RALGAPA1: variants seen among roughly 807,000 people sequenced by gnomAD.
The protein encoded by RALGAPA1 is Ral GTPase activating protein catalytic subunit alpha 1, also known as ral GTPase-activating protein subunit alpha-1.
In RALGAPA1, 52 loss-of-function variants were observed where a neutral mutation model predicts 269.6. The ratio of observed to expected loss-of-function variants is 0.19; its 90% CI spans 0.15 to 0.24. The LOEUF (loss-of-function observed/expected upper bound fraction) is 0.24. Ranked by LOEUF, RALGAPA1 falls within the 10% of genes least tolerant of loss-of-function variation. The probability of loss-of-function intolerance (pLI) is 1.00; values close to 1 mark genes in which losing one functional copy is unlikely to be tolerated. For missense variants in RALGAPA1, 1,917 were observed against 3,013.9 expected, an observed-to-expected ratio of 0.64 and a Z score of 8.52; for synonymous variants, 817 against 1,008.3, an observed-to-expected ratio of 0.81 and a Z score of 3.60.
intron 1 of RALGAPA1, among the ~76,000 whole-genome samples, chr14:35,784,178 T>C (rs749544634): frequency 6.6e-6 from 1 of 151,792 alleles, no homozygotes. Flanking sequence ...CAAATGTTTA[T>C]AATGTTATTA....
rs138563018 is a variant in RALGAPA1, at chr14:35,729,876, C to A, written c.1588-1366G>T. Among the ~76,000 whole-genome samples the A allele has an allele frequency of 3.2e-3, 480 of 152,174 alleles. 3 individuals carry two copies. The highest frequency in any genetic ancestry group is 0.011 in the African/African-American group (463 of 41,518). ...TTGGGAGAGAGATCATCATGGCTGA[C>A]GGGAAGCAGAACTAAATTGCAGCTC... On this transcript the variant is annotated intron_variant, in intron 12 of 41. Coordinates refer to ENST00000680220, the MANE Select transcript of RALGAPA1 (RefSeq NM_001346249.2).
chr14:35,550,925 T>C (rs925113053), intron 39 of RALGAPA1, among the ~76,000 whole-genome samples: 14 of 152,274 alleles, frequency 9.2e-5, no homozygotes, highest in Admixed American at 2.6e-4. Flanking sequence ...ACAAGTAATA[T>C]GGCACACTTT....
intron 29 of RALGAPA1, among the ~76,000 whole-genome samples, chr14:35,655,431 G>C (rs1374309209): frequency 6.6e-6 from 1 of 151,780 alleles, no homozygotes; most frequent in Non-Finnish European, 1.5e-5. Flanking sequence ...CAAAAAAACT[G>C]AACAGCTCAA....
At chr14:35,669,240 A>G (rs1186344892) in intron 26 of RALGAPA1, among the ~76,000 whole-genome samples, 1 of 152,152 alleles carries the variant, frequency 6.6e-6, no homozygotes, top group African/African-American at 2.4e-5. Flanking sequence ...AAATAATCCT[A>G]TACGGCAGGT....
intron 17 of RALGAPA1, among the ~76,000 whole-genome samples, chr14:35,695,922 C>A (rs2140528544): frequency 6.6e-6 from 1 of 152,154 alleles, no homozygotes; most frequent in East Asian, 1.9e-4. Flanking sequence ...GAGAGAGAAG[C>A]CAAGGAGTGT....
At chr14:35,779,806 T>A (rs2075309350) in intron 1 of RALGAPA1, among the ~76,000 whole-genome samples, 1 of 152,176 alleles carries the variant, frequency 6.6e-6, no homozygotes, top group African/African-American at 2.4e-5. Context: ...CTGGAAATTA[T>A]TTACTTTCTA....
chr14:35,596,908 A>T (rs1340482149), intron 36 of RALGAPA1, among the ~76,000 whole-genome samples: 3 of 152,196 alleles, frequency 2.0e-5, no homozygotes, highest in Non-Finnish European at 4.4e-5. Context: ...GTGCACATAC[A>T]CACAGTACAT....
At chr14:35,610,292 T>C (rs2059846867) in intron 35 of RALGAPA1, among the ~76,000 whole-genome samples, 1 of 151,504 alleles carries the variant, frequency 6.6e-6, no homozygotes, top group Non-Finnish European at 1.5e-5. Flanking sequence ...TTTTCTTTTT[T>C]TTTTTTTTGA....
At chr14:35,579,465 C>G (rs1488319832) in intron 37 of RALGAPA1, among the ~76,000 whole-genome samples, 1 of 151,918 alleles carries the variant, frequency 6.6e-6, no homozygotes, top group Non-Finnish European at 1.5e-5. Context: ...CTTGTCTCTA[C>G]TAAAAGGTGG....
At chr14:35,590,455 G>T (rs899658612) in intron 37 of RALGAPA1, among the ~76,000 whole-genome samples, 1 of 152,168 alleles carries the variant, frequency 6.6e-6, no homozygotes, top group African/African-American at 2.4e-5. Context: ...GGAGGTGATT[G>T]GATCATGGTG....
chr14:35,691,604 C>T (rs2066490976), intron 17 of RALGAPA1, among the ~76,000 whole-genome samples: 1 of 152,152 alleles, frequency 6.6e-6, no homozygotes, highest in Non-Finnish European at 1.5e-5. Flanking sequence ...CTAGTTTCCT[C>T]ATTTATAAAA....
At chr14:35,673,430 C>T (rs2064666427) in intron 24 of RALGAPA1, among the ~76,000 whole-genome samples, 1 of 151,968 alleles carries the variant, frequency 6.6e-6, no homozygotes, top group South Asian at 2.1e-4. Flanking sequence ...GTGGCACACG[C>T]CTGTAGTAGT....
At position 35,654,721 on chromosome 14, in the gene RALGAPA1, T is replaced by C. The variant is rs138136778; in HGVS notation, c.5497-244A>G. The stretch of plus-strand genomic sequence containing the variant: ...ATTAAAGTTTTGTTGCATTTTCTCT[T>C]ATGTGGATTTATGCAGTGGCCTCTA... On this transcript the variant is annotated intron_variant, in intron 29 of 41. Coordinates refer to ENST00000680220, the MANE Select transcript of RALGAPA1 (RefSeq NM_001346249.2). 4.8e-3 allele frequency among the ~76,000 whole-genome samples: 733 copies of C among 152,348 alleles called. 6 individuals are homozygous for C. The highest frequency in any genetic ancestry group is 0.017 in the African/African-American group (702 of 41,588).
intron 37 of RALGAPA1, chr14:35,572,980 C>T (rs1343595983): frequency 4.5e-6 from 1 of 221,796 alleles, no homozygotes; most frequent in African/African-American, 2.3e-5. Context: ...CTCTCCTTAA[C>T]CAGCAACTGC....
chr14:35,585,810 T>C (rs1266367207), intron 37 of RALGAPA1, among the ~76,000 whole-genome samples: 1 of 152,232 alleles, frequency 6.6e-6, no homozygotes, highest in African/African-American at 2.4e-5. Flanking sequence ...CATTGGTCTA[T>C]ATCTCTGTTT....
chr14:35,544,850 C>T (rs549191267), intron 41 of RALGAPA1, among the ~76,000 whole-genome samples: 3 of 152,264 alleles, frequency 2.0e-5, no homozygotes, highest in Admixed American at 6.5e-5. Context: ...AGTTTGAGAT[C>T]AGCCTGGCCA....
intron 21 of RALGAPA1, among the ~76,000 whole-genome samples, chr14:35,680,912 C>A (rs74978450): frequency 7.2e-5 from 11 of 152,234 alleles, no homozygotes; most frequent in African/African-American, 2.6e-4. Flanking sequence ...CCACGCCCGG[C>A]CTATTTTATT....
chr14:35,603,997 T>C (rs893738575), intron 36 of RALGAPA1, among the ~76,000 whole-genome samples: 20 of 152,216 alleles, frequency 1.3e-4, no homozygotes, highest in African/African-American at 4.8e-4. Flanking sequence ...AAGAGGAGAT[T>C]TGAAATGTTC....
chr14:35,755,189 CAA>C (rs34912813), intron 7 of RALGAPA1, among the ~76,000 whole-genome samples: 11 of 139,150 alleles, frequency 7.9e-5, no homozygotes, highest in Admixed American at 1.5e-4. Context: ...CTCTCTCTAA[CAA>C]AAAAAAAAAA....
Sources: allele counts gnomAD v4.1 joint callset (sites outside exome capture counted in the v4.1 genomes callset), GRCh38; gene constraint gnomAD v4.1.1; transcripts MANE v1.5; gene names NCBI Gene and HGNC (gene_info 2026-07-23, HGNC 2026-07-21).